RDH13: variants seen among roughly 807,000 people sequenced by gnomAD.
RDH13 encodes retinol dehydrogenase 13 (all-trans and 9-cis).
A neutral mutation model predicts 28.3 loss-of-function variants in RDH13; 35 were observed. The ratio of observed to expected loss-of-function variants is 1.24; its 90% CI spans 0.95 to 1.64. The LOEUF is 1.64. Ranked by LOEUF, RDH13 falls within the 40% of genes most tolerant of loss-of-function variation. The pLI, the probability that RDH13 is intolerant of heterozygous loss-of-function variation, is 0.00. For missense variants in RDH13, 514 were observed against 446.3 expected (o/e 1.15, Z -1.37); for synonymous variants, 229 against 198.5 (o/e 1.15, Z -1.29).
chr19:55,066,464 CCT>C (rs956754890), upstream of RDH13, among the ~76,000 whole-genome samples: 18 of 92,772 alleles, frequency 1.9e-4, no homozygotes, highest in East Asian at 5.3e-4. Flanking sequence ...CCTCTCTCTT[CCT>C]CTCTCTCTTC....
At chr19:55,064,589 C>T (rs1355515435), upstream of RDH13, among the ~76,000 whole-genome samples, 2 of 151,588 alleles carry the variant, frequency 1.3e-5, no homozygotes, top group African/African-American at 2.4e-5. Flanking sequence ...TGGGAAGTCA[C>T]AGGATTTGTT....
intron 5 of RDH13, among the ~76,000 whole-genome samples, chr19:55,047,774 G>A (rs1345541405): frequency 6.6e-6 from 1 of 152,180 alleles, no homozygotes; most frequent in Non-Finnish European, 1.5e-5. Context: ...CTAAGATACT[G>A]TAACTCTGAC....
intron 1 of RDH13, among the ~76,000 whole-genome samples, 186 bp from the exon 2 acceptor site, chr19:55,059,461 C>G (rs972766313): frequency 6.6e-6 from 1 of 152,150 alleles, no homozygotes; most frequent in Non-Finnish European, 1.5e-5. Flanking sequence ...CAGTGTCTGG[C>G]GTGTGGAACG....
upstream of RDH13, chr19:55,064,132 T>G (rs2075895646): frequency 6.6e-6 from 1 of 152,152 alleles, no homozygotes; most frequent in South Asian, 2.1e-4. Flanking sequence ...TTTTAAGACC[T>G]TAGTCAATGG....
Position 55,056,804 on chromosome 19 carries a change from G to A in RDH13, c.189C>T (p.Gly63=). ...TGTCTCGGCAGGCCAGGATGATGTT[G>A]CCTCCTGAAAACCCAGGATGGAAAA... ...QTALELARRG[G]NIILACRDME... is the part of the protein sequence containing the mutation. Residue 63 remains glycine, a synonymous_variant, in exon 3 of 7, where the codon GGC becomes GGT. Coordinates refer to ENST00000415061, the MANE Select transcript of RDH13 (RefSeq NM_001145971.2). The A allele has an allele frequency of 1.2e-6, 2 of 1,613,702 alleles. No homozygotes were observed.
intron 5 of RDH13, 23 bp downstream of exon 5, chr19:55,048,306 G>A (rs1383578260): frequency 1.2e-6 from 2 of 1,613,542 alleles, no homozygotes; most frequent in East Asian, 4.5e-5. Context: ...GCAAGAGGGA[G>A]GCCGAGCCTA....
chr19:55,057,995 G>A (rs995661255), intron 2 of RDH13, among the ~76,000 whole-genome samples: 1 of 151,402 alleles, frequency 6.6e-6, no homozygotes, highest in African/African-American at 2.4e-5. Flanking sequence ...AGGCTGGTCT[G>A]GAACCCCTGG....
At chr19:55,061,073 C>G (rs1340942687) in intron 1 of RDH13, among the ~76,000 whole-genome samples, 1 of 152,060 alleles carries the variant, frequency 6.6e-6, no homozygotes, top group African/African-American at 2.4e-5. Flanking sequence ...CTCTTGGCCC[C>G]GCCTCCATCT....
intron 2 of RDH13, among the ~76,000 whole-genome samples, chr19:55,057,576 G>A (rs539145991): frequency 1.3e-5 from 2 of 151,716 alleles, no homozygotes; most frequent in East Asian, 2.0e-4. Flanking sequence ...GGGATTACAG[G>A]CACCTACCAC....
intron 1 of RDH13, among the ~76,000 whole-genome samples, chr19:55,060,546 CGGTGCA>C (rs1290053732): frequency 2.6e-5 from 4 of 152,200 alleles, no homozygotes; most frequent in Non-Finnish European, 4.4e-5. Context: ...AGGCCGGTGC[CGGTGCA>C]GGTCCTTGGT....
intron 1 of RDH13, among the ~76,000 whole-genome samples, chr19:55,060,172 TGAGA>T: frequency 7.3e-6 from 1 of 137,622 alleles, no homozygotes; most frequent in Non-Finnish European, 1.6e-5. Context: ...CTCTTGCAGT[TGAGA>T]GAGAGGAAGG....
At chr19:55,048,186 G>A (rs2075300222) in intron 5 of RDH13, 143 bp downstream of exon 5, 1 of 1,536,744 alleles carries the variant, frequency 6.5e-7, no homozygotes, top group African/African-American at 1.4e-5. Flanking sequence ...GGCACCAGAA[G>A]CGGGCAGCGT....
intron 3 of RDH13, among the ~76,000 whole-genome samples, chr19:55,051,277 T>C (rs1180583683): frequency 6.6e-6 from 1 of 151,808 alleles, no homozygotes; most frequent in Non-Finnish European, 1.5e-5. Context: ...ACCGGGAAAA[T>C]GAGGCAGGGC....
At chr19:55,051,287 C>T (rs935533947) in intron 3 of RDH13, among the ~76,000 whole-genome samples, 5 of 152,202 alleles carry the variant, frequency 3.3e-5, no homozygotes, top group Non-Finnish European at 7.3e-5. Context: ...TGAGGCAGGG[C>T]CCACGTGCGG....
chr19:55,045,061 T>A lies in RDH13; in HGVS notation c.*13A>T. 1 of 1,555,478 alleles carries A rather than the reference T, an allele frequency of 6.4e-7. No individual in the cohort carries two copies. On this transcript the variant is annotated 3_prime_UTR_variant, in exon 7 of 7. Coordinates refer to ENST00000415061, the MANE Select transcript of RDH13 (RefSeq NM_001145971.2). ...TGGAGGCGCCATCCTGGCTTTCAAA[T>A]CTGCTCCAGAGGTTATCTGGGGAGG...
At chr19:55,055,667 C>T (rs2075607238) in intron 3 of RDH13, among the ~76,000 whole-genome samples, 1 of 150,324 alleles carries the variant, frequency 6.7e-6, no homozygotes, top group African/African-American at 2.4e-5. Context: ...TGGTGAAACC[C>T]CAGCTCTAAA....
In RDH13 at chr19:55,063,071, G is replaced by A. The variant is rs771193587; in HGVS notation, c.-39C>T. ...CAGGCGTCAGGCGTCAGGGGTCGGCGCGGAGCTTGCTGCACACCAGCCGCC... is the reference window on the plus strand; with the variant it reads ...CAGGCGTCAGGCGTCAGGGGTCGGCACGGAGCTTGCTGCACACCAGCCGCC... On this transcript the variant is annotated 5_prime_UTR_variant, in exon 1 of 7. Transcript: ENST00000415061. 1.8e-5 allele frequency: 21 copies of A among 1,180,656 alleles called. No individual in the cohort carries two copies. In the African/African-American group the frequency reaches 2.0e-4, roughly 11 times the overall value. The allele number at this position is 1,180,656 out of a possible 1,614,324, so 73.1% of individuals were successfully genotyped here.
At chr19:55,067,625 CG>C (rs2075983827), upstream of RDH13, 1 of 152,084 alleles carries the variant, frequency 6.6e-6, no homozygotes, top group Non-Finnish European at 1.5e-5. Context: ...CGCTGGGTAC[CG>C]CTGAAGAGTG....
rs1654455 is a variant in RDH13, at chr19:55,063,035, C to G, written c.-3G>C. On this transcript the variant is annotated 5_prime_UTR_variant, in exon 1 of 7. Coordinates refer to ENST00000415061, the MANE Select transcript of RDH13 (RefSeq NM_001145971.2). Reference sequence around the variant, plus strand: ...AGCGGCAGCAGGTAGCGGCTCATGCCGGGCCGGGGACAGGCGTCAGGCGTC... The same window carrying G: ...AGCGGCAGCAGGTAGCGGCTCATGCGGGGCCGGGGACAGGCGTCAGGCGTC... The G allele has an allele frequency of 0.16, 217,985 of 1,372,934 alleles. 18,025 individuals carry two copies. Among genetic ancestry groups the G allele is most frequent in the Admixed American group, 0.3 (8,904 of 29,730 alleles). The allele number at this position is 1,372,934 out of a possible 1,614,324, so 85.0% of individuals were successfully genotyped here.
Sources: gnomAD v4.1 joint callset for allele counts (sites outside exome capture counted in the v4.1 genomes callset) on GRCh38, gnomAD v4.1.1 for gene constraint, MANE v1.5 for transcripts, NCBI Gene and HGNC (gene_info 2026-07-23, HGNC 2026-07-21) for gene names.